The following RMDN2 variants were observed in gnomAD, a reference collection of about 807,000 sequenced individuals.
RMDN2 encodes regulator of microtubule dynamics protein 2.
A neutral mutation model predicts 52.8 loss-of-function variants in RMDN2; 61 were observed. The observed-to-expected ratio is 1.16, with a 90% CI of 0.94 to 1.43. The LOEUF (loss-of-function observed/expected upper bound fraction) is 1.43. Among genes scored for constraint, RMDN2 ranks in the 40% most tolerant of loss-of-function variants. RMDN2 has a pLI of 0.00. For synonymous variants in RMDN2, 180 were observed against 153.1 expected, an observed-to-expected ratio of 1.18 and a Z score of -1.30; for missense variants, 592 against 475.3, an observed-to-expected ratio of 1.25 and a Z score of -2.28.
At chr2:37,936,300 G>C (rs531218769) in intron 2 of RMDN2, among the ~76,000 whole-genome samples, 1 of 152,088 alleles carries the variant, frequency 6.6e-6, no homozygotes, top group Admixed American at 6.5e-5. Context: ...GTCTATAATT[G>C]ATGGACGGTT....
At chr2:37,960,505 T>C (rs1670067836) in intron 2 of RMDN2, among the ~76,000 whole-genome samples, 1 of 152,164 alleles carries the variant, frequency 6.6e-6, no homozygotes, top group Non-Finnish European at 1.5e-5. Context: ...TAAATATTCC[T>C]CCATCCCATT....
intron 10 of RMDN2, among the ~76,000 whole-genome samples, chr2:38,005,160 C>T (rs186467065): frequency 1.2e-4 from 19 of 152,152 alleles, no homozygotes; most frequent in Non-Finnish European, 2.6e-4. Flanking sequence ...TATAAACATA[C>T]GTGTGCATGT....
At chr2:38,002,527 A>T (rs1394032532) in intron 8 of RMDN2, among the ~76,000 whole-genome samples, 1 of 152,190 alleles carries the variant, frequency 6.6e-6, no homozygotes, top group Non-Finnish European at 1.5e-5. Context: ...ACATTTATTC[A>T]GTTTTATGTA....
chr2:37,976,520 C>T (rs968373538), intron 4 of RMDN2, among the ~76,000 whole-genome samples: 2 of 152,184 alleles, frequency 1.3e-5, no homozygotes, highest in African/African-American at 4.8e-5. Flanking sequence ...TACCAAACTC[C>T]TTGTAATTAT....
chr2:38,005,666 G>C (rs1207506199), intron 10 of RMDN2, among the ~76,000 whole-genome samples: 1 of 152,174 alleles, frequency 6.6e-6, no homozygotes, highest in Non-Finnish European at 1.5e-5. Context: ...GGTTCACTCT[G>C]TTGGTAGGTT....
intron 8 of RMDN2, 114 bp downstream of exon 8, chr2:37,997,628 G>C: frequency 1.4e-6 from 1 of 714,624 alleles, no homozygotes; most frequent in Non-Finnish European, 2.4e-6. Flanking sequence ...TTGAATCCTG[G>C]TTTTGGCATG....
At chr2:38,011,272 C>T (rs553848482) in intron 10 of RMDN2, among the ~76,000 whole-genome samples, 1 of 152,230 alleles carries the variant, frequency 6.6e-6, no homozygotes, top group Non-Finnish European at 1.5e-5. Flanking sequence ...ATTGCCCTGT[C>T]TCTTGCCCTT....
intron 5 of RMDN2, among the ~76,000 whole-genome samples, chr2:37,984,689 A>G (rs1349925344): frequency 6.6e-6 from 1 of 152,206 alleles, no homozygotes; most frequent in African/African-American, 2.4e-5. Context: ...TTGAAACAGT[A>G]TGATAGTCAA....
rs1258836146 is a variant in RMDN2, at chr2:38,004,232, GACAGTGAGTGCTGTTGTCTTGTTAGT to G, written c.1179+19_1179+44del. The G allele has an allele frequency of 6.4e-7, 1 of 1,563,940 alleles. No homozygotes were observed. The highest frequency in any genetic ancestry group is 1.4e-5 in the African/African-American group (1 of 74,036). ...TACCAAAGAGGTAAGTCCAGAAAGT[GACAGTGAGTGCTGTTGTCTTGTTAGT>G]ACTATTCGAGCTCAAAACAGGAATA... On this transcript the variant is annotated intron_variant, in intron 10 of 10. Coordinates refer to ENST00000354545, the MANE Select transcript of RMDN2 (RefSeq NM_001170791.3).
intron 2 of RMDN2, among the ~76,000 whole-genome samples, chr2:37,936,723 C>A (rs1268255781): frequency 6.6e-6 from 1 of 152,144 alleles, no homozygotes; most frequent in Non-Finnish European, 1.5e-5. Context: ...ATCCTTTGCC[C>A]ACTTTTTGAT....
rs911233290 is a variant in RMDN2 at position 38,054,090 on chromosome 2, C to G, written c.1714-12892C>G. Among the ~76,000 whole-genome samples, 5 of 152,220 alleles carry G rather than the reference C, an allele frequency of 3.3e-5. No homozygotes were observed. In the East Asian group the frequency reaches 9.6e-4, roughly 29 times the overall value. On this transcript the variant is annotated intron_variant, in intron 10 of 10. Coordinates refer to the RMDN2 transcript ENST00000234195. ...ACTATACTAGTAGATGCCCCACACT[C>G]TGAACACTAATGGCCAGTGGGCTAA... is the stretch of plus-strand genomic sequence containing the variant.
At chr2:37,946,916 T>C (rs1225301031) in intron 2 of RMDN2, among the ~76,000 whole-genome samples, 3 of 152,168 alleles carry the variant, frequency 2.0e-5, no homozygotes, top group Admixed American at 2.0e-4. Flanking sequence ...ATACTTATAG[T>C]TTTCATTGTT....
intron 10 of RMDN2, among the ~76,000 whole-genome samples, chr2:38,031,256 CTT>C (rs552306141): frequency 7.0e-3 from 740 of 105,814 alleles, no homozygotes; most frequent in African/African-American, 0.025. Context: ...CTTTGTTTCC[CTT>C]TTTTTTTTTT....
intron 10 of RMDN2, among the ~76,000 whole-genome samples, chr2:38,054,493 A>C (rs1049331226): frequency 2.6e-5 from 4 of 152,242 alleles, no homozygotes; most frequent in Non-Finnish European, 5.9e-5. Flanking sequence ...TGCATTATGG[A>C]TATAGTTCAC....
At chr2:37,951,681 C>G in intron 2 of RMDN2, 2 of 1,612,814 alleles carry the variant, frequency 1.2e-6, no homozygotes, top group Middle Eastern at 1.7e-4. Flanking sequence ...TGTGTTTAAT[C>G]TAAATGAAAT....
At chr2:37,947,631 T>C (rs1668328173) in intron 2 of RMDN2, among the ~76,000 whole-genome samples, 1 of 152,140 alleles carries the variant, frequency 6.6e-6, no homozygotes, top group African/African-American at 2.4e-5. Context: ...TCAGGCACAT[T>C]TGATAAACTA....
chr2:37,986,087 C>T (rs1288757104), intron 5 of RMDN2, among the ~76,000 whole-genome samples: 1 of 151,906 alleles, frequency 6.6e-6, no homozygotes, highest in Non-Finnish European at 1.5e-5. Flanking sequence ...AGAAAGTGGC[C>T]TAAAGTTTTA....
chr2:37,988,235 C>T (rs1009449846), intron 5 of RMDN2, among the ~76,000 whole-genome samples: 7 of 152,098 alleles, frequency 4.6e-5, no homozygotes, highest in African/African-American at 1.4e-4. Flanking sequence ...TTTTATAAAG[C>T]AGTTTGAGAG....
intron 7 of RMDN2, 99 bp downstream of exon 7, chr2:37,991,396 C>T (rs1230578175): frequency 6.5e-6 from 3 of 461,256 alleles, no homozygotes; most frequent in Non-Finnish European, 1.1e-5. Context: ...CCAGTGCCTA[C>T]TTTAGGGAGA....
Sources: allele counts gnomAD v4.1 joint callset (sites outside exome capture counted in the v4.1 genomes callset), GRCh38; gene constraint gnomAD v4.1.1; transcripts MANE v1.5; gene names NCBI Gene and HGNC (gene_info 2026-07-23, HGNC 2026-07-21).